The following NR6A1 variants were observed in gnomAD, a reference collection of about 807,000 sequenced individuals.
NR6A1 encodes the protein retinoic acid receptor-related testis-associated receptor.
A neutral mutation model predicts 59.1 loss-of-function variants in NR6A1; 7 were observed. The ratio of observed to expected loss-of-function variants is 0.12; its 90% CI spans 0.07 to 0.22. The LOEUF is 0.22. Among genes scored for constraint, NR6A1 ranks in the 10% least tolerant of loss-of-function variants. The pLI is 1.00. For missense variants in NR6A1, 468 were observed against 611.6 expected, an observed-to-expected ratio of 0.77 and a Z score of 2.48; for synonymous variants, 243 against 236.1, an observed-to-expected ratio of 1.03 and a Z score of -0.27.
intron 2 of NR6A1, among the ~76,000 whole-genome samples, chr9:124,614,176 G>A (rs1835829597): frequency 6.6e-6 from 1 of 152,134 alleles, no homozygotes; most frequent in African/African-American, 2.4e-5. Flanking sequence ...AAAGAAGAGG[G>A]CTAGGAGGGA....
intron 2 of NR6A1, among the ~76,000 whole-genome samples, chr9:124,657,290 A>G (rs1421974253): frequency 1.3e-5 from 2 of 152,180 alleles, no homozygotes; most frequent in African/African-American, 2.4e-5. Flanking sequence ...AAACATCCAA[A>G]CCCAAAATTT....
At chr9:124,659,035 AGAAG>A (rs1402606585) in intron 2 of NR6A1, among the ~76,000 whole-genome samples, 1 of 152,242 alleles carries the variant, frequency 6.6e-6, no homozygotes, top group Non-Finnish European at 1.5e-5. Context: ...GAGTATTTAA[AGAAG>A]GAAGAAATTC....
chr9:124,729,382 C>CT (rs1248530825), intron 2 of NR6A1, among the ~76,000 whole-genome samples: 18 of 151,814 alleles, frequency 1.2e-4, no homozygotes, highest in Middle Eastern at 3.4e-3. Context: ...GATCACTGTT[C>CT]TTTTTTTTAT....
intron 2 of NR6A1, among the ~76,000 whole-genome samples, chr9:124,569,241 C>T (rs181342353): frequency 6.6e-6 from 1 of 152,290 alleles, no homozygotes; most frequent in East Asian, 1.9e-4. Flanking sequence ...TGTAAGTGAG[C>T]ACAACACACC....
At chr9:124,701,006 C>T (rs1838932015) in intron 2 of NR6A1, among the ~76,000 whole-genome samples, 1 of 152,116 alleles carries the variant, frequency 6.6e-6, no homozygotes, top group African/African-American at 2.4e-5. Context: ...GGTGACCCAC[C>T]CGCCTTGGCC....
chr9:124,531,906 G>T (rs10986358), intron 7 of NR6A1, among the ~76,000 whole-genome samples: 34,874 of 152,012 alleles, frequency 0.23, 5,013 homozygotes, highest in Non-Finnish European at 0.33. Flanking sequence ...TCCCTTTTAC[G>T]TGGGCTATGG....
intron 2 of NR6A1, among the ~76,000 whole-genome samples, chr9:124,567,186 G>C (rs1034264433): frequency 6.6e-6 from 1 of 152,128 alleles, no homozygotes; most frequent in Non-Finnish European, 1.5e-5. Flanking sequence ...AACTACTTAG[G>C]GGACAATGGT....
intron 2 of NR6A1, among the ~76,000 whole-genome samples, chr9:124,672,232 T>C: frequency 6.6e-6 from 1 of 152,214 alleles, no homozygotes; most frequent in African/African-American, 2.4e-5. Flanking sequence ...GTTTCTAGTT[T>C]GGGACTATTA....
Position 124,609,591 on chromosome 9 carries a change from G to C in NR6A1, c.143-55021C>G, listed in dbSNP as rs117512965. 0.01 allele frequency among the ~76,000 whole-genome samples: 1,531 copies of C among 152,168 alleles called. 66 individuals are homozygous for C. The East Asian group carries it at 0.15, about 15-fold the overall frequency. ...TGCTTAGGATTGTCTTGGGTATATT[G>C]GCTCTTTCTTGGTTCCATATGAATT... On this transcript the variant is annotated intron_variant, in intron 2 of 9. Transcript: ENST00000487099.
intron 2 of NR6A1, among the ~76,000 whole-genome samples, chr9:124,611,932 T>C (rs1238242841): frequency 6.6e-6 from 1 of 152,114 alleles, no homozygotes; most frequent in Non-Finnish European, 1.5e-5. Context: ...GTGTAAGGGA[T>C]AATGATATCT....
rs111471422 is a variant in NR6A1 at position 124,555,152 on chromosome 9, T to C, written c.143-582A>G. Among the ~76,000 whole-genome samples, 703 of 152,260 alleles carry C rather than the reference T, an allele frequency of 4.6e-3. 6 individuals carry two copies. Among genetic ancestry groups the C allele is most frequent in the African/African-American group, 0.016 (658 of 41,540 alleles). ...TGTGTCCAGGCCCTGTGCTAGGACA[T>C]AAATAAATCATCATGATCCCCAGAG... On this transcript the variant is annotated intron_variant, in intron 2 of 9. Transcript: ENST00000487099.
At chr9:124,562,828 C>CAG (rs1349126564) in intron 2 of NR6A1, among the ~76,000 whole-genome samples, 4 of 152,306 alleles carry the variant, frequency 2.6e-5, no homozygotes, top group Admixed American at 2.0e-4. Flanking sequence ...GAACCAGCTA[C>CAG]AGAGCCCTAG....
intron 2 of NR6A1, among the ~76,000 whole-genome samples, chr9:124,615,455 G>T (rs1052261920): frequency 6.6e-6 from 1 of 152,154 alleles, no homozygotes; most frequent in Non-Finnish European, 1.5e-5. Context: ...TGTGTATATG[G>T]TGAATTCTAT....
intron 8 of NR6A1, among the ~76,000 whole-genome samples, chr9:124,526,288 ATGTGTGTGTGTGTG>A (rs3050281): frequency 6.8e-6 from 1 of 146,562 alleles, no homozygotes; most frequent in Non-Finnish European, 1.5e-5. Flanking sequence ...GTATGTGTGT[ATGTGTGTGTGTGTG>A]TGTGTGTGTG....
chr9:124,699,791 A>AC (rs1444208822), intron 2 of NR6A1, among the ~76,000 whole-genome samples: 5 of 152,040 alleles, frequency 3.3e-5, no homozygotes, highest in Admixed American at 2.6e-4. Flanking sequence ...TCCACTCCCA[A>AC]CTTAGCCCCC....
At chr9:124,680,305 C>A (rs1016529492) in intron 2 of NR6A1, among the ~76,000 whole-genome samples, 3 of 152,080 alleles carry the variant, frequency 2.0e-5, no homozygotes, top group Non-Finnish European at 4.4e-5. Flanking sequence ...AAAGCAAATG[C>A]CATGTGATTT....
chr9:124,612,816 T>C (rs1047474080), intron 2 of NR6A1, among the ~76,000 whole-genome samples: 2 of 145,222 alleles, frequency 1.4e-5, no homozygotes, highest in Admixed American at 1.4e-4. Flanking sequence ...TTTCTTTCTT[T>C]CTTTTCTTTC....
intron 2 of NR6A1, among the ~76,000 whole-genome samples, chr9:124,590,092 C>CA (rs1327869115): frequency 1.5e-5 from 1 of 64,802 alleles, no homozygotes; most frequent in Non-Finnish European, 3.5e-5. Context: ...AAAAAAAAAG[C>CA]AAAGCTAGTC....
intron 2 of NR6A1, among the ~76,000 whole-genome samples, chr9:124,659,267 C>G (rs1837352053): frequency 6.6e-6 from 1 of 151,754 alleles, no homozygotes; most frequent in Non-Finnish European, 1.5e-5. Flanking sequence ...GACAGGTCAG[C>G]CAGCTGCAGG....
Sources: allele counts gnomAD v4.1 joint callset (sites outside exome capture counted in the v4.1 genomes callset), GRCh38; gene constraint gnomAD v4.1.1; transcripts MANE v1.5; gene names NCBI Gene and HGNC (gene_info 2026-07-23, HGNC 2026-07-21).